CEMIP: variants seen among roughly 807,000 people sequenced by gnomAD.
CEMIP encodes cell migration inducing hyaluronidase 1, also known as cell migration-inducing and hyaluronan-binding protein.
Under a neutral mutation model 156.9 loss-of-function variants are expected in CEMIP, and 105 were observed. That is an observed-to-expected ratio of 0.67 (90% CI 0.57 to 0.79). The LOEUF (loss-of-function observed/expected upper bound fraction) is 0.79, where lower values mean the gene tolerates loss of function less well. Among genes scored for constraint, CEMIP ranks in the 30% least tolerant of loss-of-function variants. The pLI is 0.00. For missense variants in CEMIP, 1,457 were observed against 1,769.4 expected (o/e 0.82, Z 3.17); for synonymous variants, 676 against 668.4 (o/e 1.01, Z -0.17).
intron 15 of CEMIP, 116 bp downstream of exon 15, chr15:80,920,415 T>C: frequency 1.1e-6 from 1 of 951,330 alleles, no homozygotes; most frequent in Non-Finnish European, 1.6e-6. Flanking sequence ...CTGAGGAGCT[T>C]GGGCCTCACA....
chr15:80,784,240 T>C (rs1463495157), intron 1 of CEMIP, among the ~76,000 whole-genome samples: 1 of 152,204 alleles, frequency 6.6e-6, no homozygotes, highest in African/African-American at 2.4e-5. Context: ...TTTCTTTCTC[T>C]CCTGTCAGTA....
intron 1 of CEMIP, among the ~76,000 whole-genome samples, chr15:80,846,845 T>C (rs1897573602): frequency 6.6e-6 from 1 of 152,210 alleles, no homozygotes; most frequent in Non-Finnish European, 1.5e-5. Context: ...TAATCACTTG[T>C]TGTGGTGACA....
At chr15:80,911,143 A>C (rs1485856483) in intron 14 of CEMIP, among the ~76,000 whole-genome samples, 2 of 152,190 alleles carry the variant, frequency 1.3e-5, no homozygotes, top group Middle Eastern at 3.2e-3. Context: ...GAGCAAGCAG[A>C]GAACATGGAA....
chr15:80,874,991 T>C (rs148123941), intron 3 of CEMIP, among the ~76,000 whole-genome samples: 173 of 151,894 alleles, frequency 1.1e-3, no homozygotes, highest in African/African-American at 4.1e-3. Context: ...TGAAGAATCT[T>C]TCTGATCCTT....
chr15:80,854,547 C>T (rs1350110812), intron 1 of CEMIP, among the ~76,000 whole-genome samples: 1 of 152,220 alleles, frequency 6.6e-6, no homozygotes, highest in East Asian at 1.9e-4. Flanking sequence ...CATTTGTTTT[C>T]AGCAAATCAG....
At chr15:80,849,669 C>G (rs777693039) in intron 1 of CEMIP, among the ~76,000 whole-genome samples, 7 of 150,098 alleles carry the variant, frequency 4.7e-5, no homozygotes, top group Non-Finnish European at 7.4e-5. Flanking sequence ...GAATGACCAC[C>G]AGAGAGAGAG....
At chr15:80,844,158 C>T (rs941691367) in intron 1 of CEMIP, among the ~76,000 whole-genome samples, 4 of 152,252 alleles carry the variant, frequency 2.6e-5, no homozygotes, top group Non-Finnish European at 5.9e-5. Flanking sequence ...GGGCCAACCT[C>T]CCTGGCACTC....
At position 80,848,900 on chromosome 15, in the gene CEMIP, G is replaced by GCGCACACA. The variant is rs1555430239; in HGVS notation, c.-175-24637_-175-24636insGCACACAC. On this transcript the variant is annotated intron_variant, in intron 1 of 29. Coordinates refer to ENST00000394685, the MANE Select transcript of CEMIP (RefSeq NM_001293298.2). ...TGTTCTCTGATGAGCGTGTGCGCGT[G>GCGCACACA]CACACACACACACACACACACACAC... is the stretch of plus-strand genomic sequence containing the variant. Among the ~76,000 whole-genome samples, 27 of 134,632 alleles carry GCGCACACA rather than the reference G, an allele frequency of 2.0e-4. No homozygotes were observed. The South Asian group carries it at 5.0e-3, about 25-fold the overall frequency. 88.3% of individuals were successfully genotyped at this position (134,632 alleles called of 152,430 possible).
intron 13 of CEMIP, among the ~76,000 whole-genome samples, chr15:80,908,121 C>T (rs1399319651): frequency 2.6e-5 from 4 of 152,162 alleles, no homozygotes; most frequent in African/African-American, 9.7e-5. Context: ...CAGTCATCTC[C>T]TGGGTATAGG....
chr15:80,923,935 C>T (rs1900564319), intron 17 of CEMIP, among the ~76,000 whole-genome samples: 1 of 152,158 alleles, frequency 6.6e-6, no homozygotes, highest in Admixed American at 6.5e-5. Flanking sequence ...AATTATAAGC[C>T]AGAGGGAGAA....
At chr15:80,924,850 A>G in intron 18 of CEMIP, 144 bp downstream of exon 18, 1 of 779,632 alleles carries the variant, frequency 1.3e-6, no homozygotes. Flanking sequence ...CTGGGGGTAC[A>G]ATGGTGAAAA....
At chr15:80,938,949 A>G (rs933437790) in intron 25 of CEMIP, among the ~76,000 whole-genome samples, 1 of 152,198 alleles carries the variant, frequency 6.6e-6, no homozygotes, top group Admixed American at 6.5e-5. Flanking sequence ...ATAACAGATG[A>G]TCTATCTTAT....
chr15:80,879,668 A>C (rs1269358401), intron 4 of CEMIP, 48 bp from the exon 5 acceptor site: 2 of 1,612,406 alleles, frequency 1.2e-6, no homozygotes, highest in African/African-American at 1.3e-5. Flanking sequence ...ATATAACCTT[A>C]CCCTTAACAC....
chr15:80,854,896 A>G (rs1047551112), intron 1 of CEMIP, among the ~76,000 whole-genome samples: 2 of 152,262 alleles, frequency 1.3e-5, no homozygotes, highest in African/African-American at 4.8e-5. Flanking sequence ...TAAGTGGCAC[A>G]TGCAGGGGTC....
chr15:80,885,833 T>C (rs903272326), intron 7 of CEMIP, among the ~76,000 whole-genome samples: 4 of 152,322 alleles, frequency 2.6e-5, no homozygotes, highest in South Asian at 2.1e-4. Flanking sequence ...TTTCTCCTTA[T>C]AAGCAAGAGC....
At position 80,942,247 on chromosome 15, in the gene CEMIP, C is replaced by T. The variant is rs758967006; in HGVS notation, c.3613-4C>T. ...AATTACATTGGGTTCTATGTGTTTT[C>T]CAGAAAACAAAGGACCATTTCTTGG... On this transcript the variant is annotated splice_region_variant and splice_polypyrimidine_tract_variant and intron_variant, in intron 26 of 29. Coordinates refer to ENST00000394685, the MANE Select transcript of CEMIP (RefSeq NM_001293298.2). 4.3e-6 allele frequency: 7 copies of T among 1,612,824 alleles called. No homozygotes were observed. Among genetic ancestry groups the T allele is most frequent in the Non-Finnish European group, 5.1e-6 (6 of 1,178,844 alleles).
intron 1 of CEMIP, among the ~76,000 whole-genome samples, chr15:80,861,335 C>T (rs1031845353): frequency 3.9e-5 from 6 of 152,184 alleles, no homozygotes; most frequent in African/African-American, 1.2e-4. Flanking sequence ...CCAGTGCCCC[C>T]ACACCCATGC....
At chr15:80,852,520 T>C (rs1453884843) in intron 1 of CEMIP, among the ~76,000 whole-genome samples, 1 of 152,214 alleles carries the variant, frequency 6.6e-6, no homozygotes, top group Non-Finnish European at 1.5e-5. Flanking sequence ...AAGACAGCAT[T>C]TGCTTTTATG....
At chr15:80,839,568 A>G (rs1038973254) in intron 1 of CEMIP, among the ~76,000 whole-genome samples, 1 of 152,172 alleles carries the variant, frequency 6.6e-6, no homozygotes, top group Admixed American at 6.5e-5. Context: ...GGCCTTCAGC[A>G]ACGGGGCCCT....
Sources: allele counts gnomAD v4.1 joint callset (sites outside exome capture counted in the v4.1 genomes callset), GRCh38; gene constraint gnomAD v4.1.1; transcripts MANE v1.5; gene names NCBI Gene and HGNC (gene_info 2026-07-23, HGNC 2026-07-21).